The following GRIN3A variants were observed in gnomAD, a reference collection of about 807,000 sequenced individuals.
The protein encoded by GRIN3A is glutamate receptor ionotropic, NMDA 3A.
Under a neutral mutation model 92.4 loss-of-function variants are expected in GRIN3A, and 47 were observed. The ratio of observed to expected loss-of-function variants is 0.51; its 90% CI spans 0.40 to 0.65. The LOEUF is 0.65. Among genes scored for constraint, GRIN3A ranks in the 30% least tolerant of loss-of-function variants. The pLI is 0.00. For synonymous variants in GRIN3A, 527 were observed against 540.6 expected (o/e 0.97, Z 0.35); for missense variants, 1,324 against 1,393.1 (o/e 0.95, Z 0.79).
chr9:101,732,219 A>G (rs1031512874), intron 1 of GRIN3A, among the ~76,000 whole-genome samples: 2 of 152,180 alleles, frequency 1.3e-5, no homozygotes, highest in African/African-American at 4.8e-5. Flanking sequence ...GAATCAACAC[A>G]CTGCTTTCCT....
intron 6 of GRIN3A, among the ~76,000 whole-genome samples, chr9:101,590,346 CTATTTATTTATTTATTTATTTATT>C (rs35611429): frequency 3.2e-4 from 46 of 143,416 alleles, no homozygotes; most frequent in Middle Eastern, 3.5e-3. Flanking sequence ...TAATGACACT[CTATTTATTTATTTATTTATTTATT>C]TATTTATTTA....
chr9:101,597,448 G>A (rs1828151435), intron 6 of GRIN3A, among the ~76,000 whole-genome samples: 1 of 152,178 alleles, frequency 6.6e-6, no homozygotes, highest in Admixed American at 6.5e-5. Flanking sequence ...TGACTCTATA[G>A]GAGAGAGGAA....
intron 2 of GRIN3A, among the ~76,000 whole-genome samples, chr9:101,675,753 G>T (rs1829387417): frequency 6.6e-6 from 1 of 151,742 alleles, no homozygotes; most frequent in African/African-American, 2.4e-5. Context: ...TTTATAGCCT[G>T]TTTTGGATGC....
At chr9:101,698,728 C>T (rs559593338) in intron 1 of GRIN3A, among the ~76,000 whole-genome samples, 9 of 152,180 alleles carry the variant, frequency 5.9e-5, no homozygotes, top group East Asian at 1.9e-4. Context: ...AGTGCAGTGG[C>T]GGGATCTTTG....
At chr9:101,665,897 C>T (rs1226959393) in intron 3 of GRIN3A, among the ~76,000 whole-genome samples, 1 of 151,972 alleles carries the variant, frequency 6.6e-6, no homozygotes, top group African/African-American at 2.4e-5. Flanking sequence ...AAGACACATG[C>T]ATGTATGCAT....
At chr9:101,583,738 G>A (rs1048704396) in intron 6 of GRIN3A, among the ~76,000 whole-genome samples, 1 of 152,134 alleles carries the variant, frequency 6.6e-6, no homozygotes, top group Non-Finnish European at 1.5e-5. Context: ...TATGTTTTGA[G>A]GTTGTTGTTT....
intron 2 of GRIN3A, 38 bp downstream of exon 2, chr9:101,686,558 C>G: frequency 1.2e-6 from 2 of 1,612,222 alleles, no homozygotes; most frequent in Non-Finnish European, 1.7e-6. Context: ...CTGTCATGGC[C>G]CTATGAATGG....
At chr9:101,674,274 G>T (rs1829364423) in intron 2 of GRIN3A, among the ~76,000 whole-genome samples, 1 of 152,008 alleles carries the variant, frequency 6.6e-6, no homozygotes, top group Non-Finnish European at 1.5e-5. Context: ...TTTTTTCCTT[G>T]CTAGTTATAT....
At chr9:101,675,234 T>G (rs1306019689) in intron 2 of GRIN3A, among the ~76,000 whole-genome samples, 2 of 151,968 alleles carry the variant, frequency 1.3e-5, no homozygotes, top group Non-Finnish European at 2.9e-5. Flanking sequence ...TACTAATGAA[T>G]TTTTCTTTAT....
chr9:101,607,035 G>A (rs1828295446), intron 6 of GRIN3A, among the ~76,000 whole-genome samples: 1 of 151,032 alleles, frequency 6.6e-6, no homozygotes, highest in South Asian at 2.1e-4. Flanking sequence ...AGGGAGGAAT[G>A]TGGGGAAACA....
chr9:101,707,707 T>C (rs1185605320), intron 1 of GRIN3A, among the ~76,000 whole-genome samples: 2 of 152,194 alleles, frequency 1.3e-5, no homozygotes, highest in Non-Finnish European at 2.9e-5. Context: ...AAGACAATAT[T>C]GAGACAATTA....
At chr9:101,721,374 T>A (rs1830010985) in intron 1 of GRIN3A, among the ~76,000 whole-genome samples, 1 of 152,202 alleles carries the variant, frequency 6.6e-6, no homozygotes, top group Admixed American at 6.5e-5. Context: ...AAAACTCTTT[T>A]TCTTCCCAGT....
intron 3 of GRIN3A, among the ~76,000 whole-genome samples, chr9:101,650,502 A>G (rs1210627007): frequency 2.0e-5 from 3 of 152,180 alleles, no homozygotes; most frequent in East Asian, 3.9e-4. Context: ...TCACCACAGC[A>G]AATTATTGAA....
Position 101,737,726 on chromosome 9 carries a change from G to C in GRIN3A, c.254C>G (p.Thr85Ser). 1 of 1,529,116 alleles carries C rather than the reference G, an allele frequency of 6.5e-7. No homozygotes were observed. Among genetic ancestry groups the C allele is most frequent in the Non-Finnish European group, 8.7e-7 (1 of 1,144,036 alleles). 94.7% of individuals were successfully genotyped at this position (1,529,116 alleles called of 1,614,324 possible). A position where few individuals can be genotyped will look rare whatever the true frequency, so the allele number is the denominator to read the frequency against. ...CGGCGAGGGCGCCGGGGACCGCCTA[G>C]TCCCTGGCTCCGGCTCATCCCTCTG... The part of the protein sequence containing the change: ...GAQRDEPEPG[T>S]RRSPAPSPGA... Residue 85 changes from threonine to serine, a missense_variant, in exon 1 of 9, where the codon ACT (threonine) becomes AGT (serine). Coordinates refer to ENST00000361820, the MANE Select transcript of GRIN3A (RefSeq NM_133445.3).
rs558290520 is a variant in GRIN3A, at chr9:101,658,551, A to G, written c.2352+11509T>C. 2.6e-5 allele frequency among the ~76,000 whole-genome samples: 4 copies of G among 151,776 alleles called. No homozygotes were observed. In the South Asian group the frequency reaches 8.3e-4, roughly 32 times the overall value. Reference sequence around the variant, plus strand: ...CCTAGTTGAAATATAATTTAAGGAAACATTGATAGGTTTTATTTGGTTGGC... The same window carrying G: ...CCTAGTTGAAATATAATTTAAGGAAGCATTGATAGGTTTTATTTGGTTGGC... On this transcript the variant is annotated intron_variant, in intron 3 of 8. Coordinates refer to ENST00000361820, the MANE Select transcript of GRIN3A (RefSeq NM_133445.3).
chr9:101,600,673 A>G (rs1422535278), intron 6 of GRIN3A, among the ~76,000 whole-genome samples: 1 of 152,150 alleles, frequency 6.6e-6, no homozygotes, highest in Non-Finnish European at 1.5e-5. Context: ...GGGCAGGAGG[A>G]ACAAAACAAG....
chr9:101,684,969 C>T (rs1403476809), intron 2 of GRIN3A, among the ~76,000 whole-genome samples: 4 of 151,956 alleles, frequency 2.6e-5, no homozygotes, highest in East Asian at 1.9e-4. Context: ...TAATTATGTG[C>T]GAGCTTGCCA....
intron 6 of GRIN3A, chr9:101,595,147 G>C (rs951755874): frequency 3.4e-6 from 2 of 584,018 alleles, no homozygotes; most frequent in Non-Finnish European, 6.1e-6. Context: ...CGGAAGGGGA[G>C]GTGGGTGCTG....
chr9:101,613,148 A>G (rs560961165), intron 6 of GRIN3A, among the ~76,000 whole-genome samples: 1 of 152,224 alleles, frequency 6.6e-6, no homozygotes, highest in Non-Finnish European at 1.5e-5. Flanking sequence ...AAATTTAGAT[A>G]TTTACTCATC....
Sources: gnomAD v4.1 joint callset for allele counts (sites outside exome capture counted in the v4.1 genomes callset) on GRCh38, gnomAD v4.1.1 for gene constraint, MANE v1.5 for transcripts, NCBI Gene and HGNC (gene_info 2026-07-23, HGNC 2026-07-21) for gene names.